LAMA5: variants seen among roughly 807,000 people sequenced by gnomAD.
LAMA5 encodes laminin subunit alpha-5.
In LAMA5, 260 loss-of-function variants were observed where a neutral mutation model predicts 433.4. The ratio of observed to expected loss-of-function variants is 0.60; its 90% CI spans 0.54 to 0.66. LAMA5 has a LOEUF of 0.66. Ranked by LOEUF, LAMA5 falls within the 30% of genes least tolerant of loss-of-function variation. LAMA5 has a pLI of 0.00. For synonymous variants in LAMA5, 2,620 were observed against 2,226.6 expected (o/e 1.18, Z -4.97); for missense variants, 5,378 against 5,258.5 (o/e 1.02, Z -0.70).
intron 2 of LAMA5, among the ~76,000 whole-genome samples, chr20:62,362,040 C>G (rs1986184167): frequency 6.6e-6 from 1 of 152,194 alleles, no homozygotes; most frequent in Non-Finnish European, 1.5e-5. Flanking sequence ...CCAGGAATTC[C>G]TTAAACAGCA....
chr20:62,327,438 T>C (rs778398042), intron 37 of LAMA5, 32 bp from the exon 38 acceptor site: 6 of 1,592,938 alleles, frequency 3.8e-6, no homozygotes, highest in Admixed American at 3.4e-5. Flanking sequence ...TGCACACGGG[T>C]GGATGCCCAC....
intron 3 of LAMA5, 26 bp from the exon 4 acceptor site, chr20:62,352,386 G>C: frequency 6.4e-7 from 1 of 1,563,332 alleles, no homozygotes; most frequent in Non-Finnish European, 8.7e-7. Context: ...GGAGGGGAGG[G>C]CGCTGGATCA....
In LAMA5 at chr20:62,322,726, A is replaced by G. The variant is rs1377684061; in HGVS notation, c.6097T>C (p.Cys2033Arg). Residue 2033 changes from cysteine to arginine, a missense_variant, in exon 46 of 80, where the codon TGC (cysteine) becomes CGC (arginine). Coordinates refer to ENST00000252999, the MANE Select transcript of LAMA5 (RefSeq NM_005560.6). ...CDCTPCGTEA[C>R]DPHSGHCLCK... is the part of the protein sequence containing the mutation. ...AGGCAGTGCCCGCTGTGGGGGTCGCAGGCCTCTGTCCCACATGGGGTACAG... is the reference window on the plus strand; with the variant it reads ...AGGCAGTGCCCGCTGTGGGGGTCGCGGGCCTCTGTCCCACATGGGGTACAG... The G allele has an allele frequency of 6.5e-7, 1 of 1,531,714 alleles. No individual in the cohort carries two copies. The highest frequency in any genetic ancestry group is 2.0e-5 in the Admixed American group (1 of 50,272). The allele number at this position is 1,531,714 out of a possible 1,614,324, so 94.9% of individuals were successfully genotyped here.
chr20:62,324,097 G>A lies in LAMA5; in HGVS notation c.5751C>T (p.Leu1917=). ...SAPCVSCPCP[L]SVPSNNFAEG... is the part of the protein sequence containing the mutation. ...TGGCTTACTTGTTGGAAGGCACTGA[G>A]AGGGGGCAGGGGCAGCTGACACAGG... The change falls in exon 43 of 80, where the codon CTC becomes CTT. Residue 1917 remains leucine, a synonymous_variant. Transcript: ENST00000252999. This position sits in a 1 kb window ranked among gnomAD's most constrained non-coding sequence, Gnocchi z 4.4. 4.6e-6 allele frequency: 7 copies of A among 1,519,522 alleles called. No homozygotes were observed. The highest frequency in any genetic ancestry group is 5.3e-6 in the Non-Finnish European group (6 of 1,136,240). The allele number at this position is 1,519,522 out of a possible 1,614,324, so 94.1% of individuals were successfully genotyped here.
chr20:62,347,105 G>A (rs1429535787), intron 6 of LAMA5, 77 bp from the exon 7 acceptor site: 9 of 1,103,758 alleles, frequency 8.2e-6, no homozygotes, highest in South Asian at 1.3e-5. Context: ...CCCTGAAGGG[G>A]CCTGTGATCC....
rs770000161 is a variant in LAMA5, at chr20:62,316,908, G to A, written c.7627C>T (p.Leu2543=). The A allele has an allele frequency of 3.2e-6, 5 of 1,542,064 alleles. No homozygotes were observed. The South Asian group carries it at 4.8e-5, about 15-fold the overall frequency. Residue 2543 remains leucine, a synonymous_variant, in exon 56 of 80, where the codon CTG becomes TTG. Coordinates refer to ENST00000252999, the MANE Select transcript of LAMA5 (RefSeq NM_005560.6). ...QAAEDAAGQA[L]QQADHTWATV... ...GCCCACGTGTGGTCCGCCTGCTGCAGGGCCTGGCCAGCAGCATCCTCGGCA... is the reference window on the plus strand; with the variant it reads ...GCCCACGTGTGGTCCGCCTGCTGCAAGGCCTGGCCAGCAGCATCCTCGGCA...
rs144289855 is a variant in LAMA5, at chr20:62,346,557, C to T, written c.1231G>A (p.Gly411Ser). 70 of 1,565,784 alleles carry T rather than the reference C, an allele frequency of 4.5e-5. 1 individual carries two copies. The highest frequency in any genetic ancestry group is 3.3e-4 in the Middle Eastern group (2 of 5,998). ...GGGTGGTTGGGAGAGCGGTAGAAGC[C>T]GGGCAGGCAGCGCTCACAGTTGACG... ...TGVNCERCLP[G>S]FYRSPNHPLD... The change falls in exon 9 of 80, where the codon GGC (glycine) becomes AGC (serine). Residue 411 changes from glycine (G) to serine (S), a missense_variant. Coordinates refer to ENST00000252999, the MANE Select transcript of LAMA5 (RefSeq NM_005560.6).
At position 62,313,754 on chromosome 20, in the gene LAMA5, G is replaced by A; in HGVS notation, c.8553C>T (p.Ile2851=). The A allele has an allele frequency of 6.2e-7, 1 of 1,612,976 alleles. No individual in the cohort carries two copies. Among genetic ancestry groups the A allele is most frequent in the South Asian group, 1.1e-5 (1 of 91,078 alleles). The change falls in exon 63 of 80, where the codon ATC becomes ATT. Residue 2851 remains isoleucine, a synonymous_variant. Transcript: ENST00000252999. ...CCACCGTGTCACCCTTGGTTTCCTG[G>A]ATCATCTGTCTCTCCACTGTGACGG... The part of the protein sequence containing the change: ...HMSVTVERQM[I]QETKGDTVAP...
chr20:62,317,429 GAGA>G lies in LAMA5; in HGVS notation c.7424_7426del (p.Phe2475del), dbSNP rs1190536191. The G allele has an allele frequency of 3.1e-6, 5 of 1,605,922 alleles. No individual in the cohort carries two copies. Among genetic ancestry groups the G allele is most frequent in the African/African-American group, 1.3e-5 (1 of 74,772 alleles). ...TAGACGCAGCTTGCTGCCCGCCGGG[GAGA>G]AGGTCTGCATCCTCTGCAGCAGTGG... On this transcript the variant is annotated inframe_deletion, in exon 55 of 80. Transcript: ENST00000252999.
At position 62,343,645 on chromosome 20, in the gene LAMA5, G is replaced by C. The variant is rs112223779; in HGVS notation, c.1477+2173C>G. The stretch of plus-strand genomic sequence containing the variant: ...ACAAAAATTAGCCAGGCATGGTGGC[G>C]CATGCCTGTAATCCCAGCTACATGG... On this transcript the variant is annotated intron_variant, in intron 11 of 79. Transcript: ENST00000252999. Among the ~76,000 whole-genome samples, 1,118 of 150,748 alleles carry C rather than the reference G, an allele frequency of 7.4e-3. 9 individuals carry two copies. Among genetic ancestry groups the C allele is most frequent in the Non-Finnish European group, 0.011 (744 of 67,696 alleles).
At chr20:62,318,378 G>A (rs1987280213) in intron 53 of LAMA5, 76 bp downstream of exon 53, 4 of 1,098,248 alleles carry the variant, frequency 3.6e-6, no homozygotes, top group Middle Eastern at 3.0e-4. Flanking sequence ...GGGGAGGGGA[G>A]GAGCCGGAGA....
chr20:62,363,807 G>A (rs980429227), intron 1 of LAMA5, among the ~76,000 whole-genome samples: 8 of 151,998 alleles, frequency 5.3e-5, no homozygotes, highest in African/African-American at 1.5e-4. Flanking sequence ...CCTACAGAGG[G>A]CCCAACCCCC....
intron 48 of LAMA5, 105 bp from the exon 49 acceptor site, chr20:62,320,995 G>A (rs368007258): frequency 8.8e-6 from 11 of 1,256,688 alleles, no homozygotes; most frequent in African/African-American, 4.5e-5. Context: ...TCAGCCAGAG[G>A]TCATGAGGTC....
chr20:62,325,842 T>A (rs1369845989), intron 40 of LAMA5, among the ~76,000 whole-genome samples: 1 of 152,154 alleles, frequency 6.6e-6, no homozygotes. Flanking sequence ...TAGTGACAAA[T>A]ACTTTCTTAA....
At chr20:62,364,256 G>T (rs1250047687) in intron 1 of LAMA5, among the ~76,000 whole-genome samples, 4 of 152,194 alleles carry the variant, frequency 2.6e-5, no homozygotes, top group African/African-American at 9.7e-5. Context: ...CTCAGGGTGG[G>T]GCCAGGGGCT....
chr20:62,323,664 C>A lies in LAMA5; in HGVS notation c.5856G>T (p.Ala1952=), dbSNP rs146904037. 6.2e-7 allele frequency: 1 copy of A among 1,607,048 alleles called. No homozygotes were observed. Among genetic ancestry groups the A allele is most frequent in the Non-Finnish European group, 8.5e-7 (1 of 1,176,926 alleles). ...GYAGASCERC[A]PGFFGNPLVL... is the part of the protein sequence containing the mutation. ...CCAGTGGGTTCCCAAAGAATCCGGG[C>A]GCACACCTGGGAGCAGGGTGGGGAG... The change falls in exon 45 of 80, where the codon GCG becomes GCT. Residue 1952 remains alanine, a synonymous_variant. Coordinates refer to ENST00000252999, the MANE Select transcript of LAMA5 (RefSeq NM_005560.6).
intron 6 of LAMA5, among the ~76,000 whole-genome samples, chr20:62,348,463 C>A (rs7267196): frequency 6.6e-6 from 1 of 151,846 alleles, no homozygotes; most frequent in Non-Finnish European, 1.5e-5. Flanking sequence ...AAAAATTAGC[C>A]GGGTGTGGTG....
chr20:62,324,574 GGT>G lies in LAMA5; in HGVS notation c.5530-22_5530-21del. On this transcript the variant is annotated intron_variant, in intron 41 of 79. Transcript: ENST00000252999. The surrounding 1 kb of genome is among the most constrained non-coding windows in gnomAD (Gnocchi z 4.4). ...ACATTCCTGAGGGTGTACGGGGGCA[GGT>G]GGCATCAGCGATTGAGAGGACGAGG... 2 of 1,569,726 alleles carry G rather than the reference GGT, an allele frequency of 1.3e-6. No individual in the cohort carries two copies. Among genetic ancestry groups the G allele is most frequent in the Non-Finnish European group, 1.7e-6 (2 of 1,145,044 alleles).
At chr20:62,348,936 C>G (rs950244224) in intron 6 of LAMA5, among the ~76,000 whole-genome samples, 2 of 152,110 alleles carry the variant, frequency 1.3e-5, no homozygotes, top group Middle Eastern at 6.8e-3. Context: ...GAAAGGGAGC[C>G]AACAGTCAGA....
Sources: gnomAD v4.1 joint callset for allele counts (sites outside exome capture counted in the v4.1 genomes callset) on GRCh38, gnomAD v4.1.1 for gene constraint, Gnocchi (gnomAD v3.1) non-coding constraint, MANE v1.5 for transcripts, NCBI Gene and HGNC (gene_info 2026-07-23, HGNC 2026-07-21) for gene names.